The following ENOX1 variants were observed in gnomAD, a reference collection of about 807,000 sequenced individuals.
The protein encoded by ENOX1 is candidate growth-related and time keeping constitutive hydroquinone (NADH) oxidase.
In ENOX1, 42 loss-of-function variants were observed where a neutral mutation model predicts 82.5. The ratio of observed to expected loss-of-function variants is 0.51; its 90% CI spans 0.40 to 0.66. The LOEUF is 0.66. ENOX1 is among the 30% of genes least tolerant of loss of function. The pLI, the probability that ENOX1 is intolerant of heterozygous loss-of-function variation, is 0.00. For synonymous variants in ENOX1, 271 were observed against 282.2 expected (o/e 0.96, Z 0.40); for missense variants, 608 against 811.6 (o/e 0.75, Z 3.05).
intron 5 of ENOX1, among the ~76,000 whole-genome samples, chr13:43,394,012 AC>A (rs1220860676): frequency 6.6e-6 from 1 of 152,156 alleles, no homozygotes; most frequent in African/African-American, 2.4e-5. Flanking sequence ...ATGTGGGCAT[AC>A]CTACTGCTTT....
At chr13:43,738,716 AT>A (rs1205656054) in intron 1 of ENOX1, among the ~76,000 whole-genome samples, 3 of 71,230 alleles carry the variant, frequency 4.2e-5, no homozygotes, top group Non-Finnish European at 9.3e-5. Context: ...AGTAATATAT[AT>A]AGATTTTTTT....
At chr13:43,268,129 A>G (rs552109491) in intron 13 of ENOX1, among the ~76,000 whole-genome samples, 1 of 152,292 alleles carries the variant, frequency 6.6e-6, no homozygotes, top group East Asian at 1.9e-4. Flanking sequence ...TAGAGAAAAG[A>G]GAAATTCACC....
intron 12 of ENOX1, among the ~76,000 whole-genome samples, chr13:43,284,800 G>A (rs1324233003): frequency 6.6e-6 from 1 of 151,110 alleles, no homozygotes; most frequent in Non-Finnish European, 1.5e-5. Context: ...GTGTGTGTGT[G>A]TGTGTGTGTG....
chr13:43,730,515 A>G (rs560356183), intron 1 of ENOX1, among the ~76,000 whole-genome samples: 4 of 152,200 alleles, frequency 2.6e-5, no homozygotes, highest in African/African-American at 7.2e-5. Context: ...GGAGAAATCA[A>G]TAAGTCTCCT....
intron 2 of ENOX1, among the ~76,000 whole-genome samples, chr13:43,596,568 A>G (rs1482288531): frequency 1.3e-5 from 2 of 152,254 alleles, no homozygotes; most frequent in East Asian, 3.8e-4. Context: ...CTTAATGGAA[A>G]TGGTGAAAAT....
chr13:43,525,410 T>C (rs564766842), intron 2 of ENOX1, among the ~76,000 whole-genome samples: 1 of 152,292 alleles, frequency 6.6e-6, no homozygotes, highest in South Asian at 2.1e-4. Context: ...AAACCTTGCA[T>C]CAACTCAATT....
At chr13:43,393,299 T>A (rs1043528501) in intron 5 of ENOX1, among the ~76,000 whole-genome samples, 1 of 152,222 alleles carries the variant, frequency 6.6e-6, no homozygotes, top group Admixed American at 6.5e-5. Context: ...CACAAGCTTT[T>A]AAGAAAGGTA....
At position 43,518,547 on chromosome 13, in the gene ENOX1, T is replaced by C. The variant is rs376391384; in HGVS notation, c.-218-34395A>G. On this transcript the variant is annotated intron_variant, in intron 2 of 16. Coordinates refer to ENST00000690772, the MANE Select transcript of ENOX1 (RefSeq NM_001347969.2). ...CTATAGAACAATCCTGCAAGCAGAA[T>C]GGTCTAGGCTATAAACCTACAGTGA... Among the ~76,000 whole-genome samples the C allele has an allele frequency of 2.6e-5, 4 of 152,188 alleles. No individual in the cohort carries two copies. In the East Asian group the frequency reaches 7.8e-4, roughly 30 times the overall value.
At chr13:43,412,520 G>A (rs111580400) in intron 4 of ENOX1, among the ~76,000 whole-genome samples, 21 of 152,290 alleles carry the variant, frequency 1.4e-4, no homozygotes, top group Admixed American at 2.6e-4. Flanking sequence ...GTGTTACCTC[G>A]TAATCTATTC....
chr13:43,777,662 C>A (rs1951999005), intron 1 of ENOX1, among the ~76,000 whole-genome samples: 2 of 151,846 alleles, frequency 1.3e-5, no homozygotes, highest in African/African-American at 2.4e-5. Flanking sequence ...CTTGCCTCAG[C>A]CCCCCAGGTA....
intron 5 of ENOX1, among the ~76,000 whole-genome samples, chr13:43,379,960 T>C (rs1357467757): frequency 2.0e-5 from 3 of 151,552 alleles, no homozygotes; most frequent in African/African-American, 7.3e-5. Flanking sequence ...AAAATAAGAG[T>C]ATATTTCTTG....
At chr13:43,761,278 C>T (rs2153835454) in intron 1 of ENOX1, among the ~76,000 whole-genome samples, 1 of 152,264 alleles carries the variant, frequency 6.6e-6, no homozygotes, top group East Asian at 1.9e-4. Flanking sequence ...TAGACATTTT[C>T]AATCTGAAGG....
intron 1 of ENOX1, among the ~76,000 whole-genome samples, chr13:43,778,749 C>T (rs1952070536): frequency 6.8e-6 from 1 of 147,780 alleles, no homozygotes; most frequent in Admixed American, 6.7e-5. Flanking sequence ...ACATGTACTA[C>T]TTGACTGTAA....
intron 3 of ENOX1, among the ~76,000 whole-genome samples, chr13:43,415,232 G>GTTTTTTTTTTTTTTTTTTTTTT (rs71202260): frequency 3.7e-5 from 2 of 54,634 alleles, no homozygotes; most frequent in Non-Finnish European, 3.1e-5. Flanking sequence ...CCAATCCAAT[G>GTTTTTTTTTTTTTTTTTTTTTT]TTTTTTTTTT....
intron 6 of ENOX1, 132 bp from the exon 7 acceptor site, chr13:43,360,189 A>G: frequency 1.3e-6 from 1 of 743,444 alleles, no homozygotes; most frequent in Admixed American, 2.5e-5. Flanking sequence ...CCAACTTAAC[A>G]TTGATCCCAG....
intron 2 of ENOX1, among the ~76,000 whole-genome samples, chr13:43,637,875 A>AATGATGG (rs2083473245): frequency 6.6e-6 from 1 of 152,194 alleles, no homozygotes; most frequent in Admixed American, 6.5e-5. Flanking sequence ...TATGGGTTTA[A>AATGATGG]TTTGAAATCC....
At chr13:43,268,658 GGTTA>G (rs1207767119) in intron 13 of ENOX1, among the ~76,000 whole-genome samples, 1 of 152,014 alleles carries the variant, frequency 6.6e-6, no homozygotes, top group African/African-American at 2.4e-5. Context: ...TACAGTGTAA[GGTTA>G]TTTATACAAT....
At chr13:43,622,053 C>A (rs186154780) in intron 2 of ENOX1, among the ~76,000 whole-genome samples, 4 of 152,230 alleles carry the variant, frequency 2.6e-5, no homozygotes, top group Admixed American at 2.6e-4. Context: ...ATTGCTGAGA[C>A]TTTCCAGAGC....
At chr13:43,293,497 A>G (rs2046122434) in intron 12 of ENOX1, among the ~76,000 whole-genome samples, 1 of 152,052 alleles carries the variant, frequency 6.6e-6, no homozygotes, top group Non-Finnish European at 1.5e-5. Flanking sequence ...CACCATGGCA[A>G]CCATCACCTC....
Sources: gnomAD v4.1 joint callset for allele counts (sites outside exome capture counted in the v4.1 genomes callset) on GRCh38, gnomAD v4.1.1 for gene constraint, MANE v1.5 for transcripts, NCBI Gene and HGNC (gene_info 2026-07-23, HGNC 2026-07-21) for gene names.